The following GALNTL5 variants were observed in gnomAD, a reference collection of about 807,000 sequenced individuals.
The protein encoded by GALNTL5 is polypeptide N-acetylgalactosaminyltransferase like 5.
GALNTL5 carries 44 observed loss-of-function variants against 51.0 expected under a neutral mutation model. That is an observed-to-expected ratio of 0.86 (90% CI 0.68 to 1.11). GALNTL5 has a LOEUF of 1.11. GALNTL5 is among the 50% of genes least tolerant of loss of function. The pLI, the probability that GALNTL5 is intolerant of heterozygous loss-of-function variation, is 0.00. For synonymous variants in GALNTL5, 192 were observed against 182.8 expected (o/e 1.05, Z -0.41); for missense variants, 528 against 531.8 (o/e 0.99, Z 0.07).
chr7:151,992,902 G>T (rs977678496), intron 5 of GALNTL5, among the ~76,000 whole-genome samples: 5 of 151,942 alleles, frequency 3.3e-5, no homozygotes, highest in African/African-American at 1.2e-4. Flanking sequence ...CGTGCTCTCC[G>T]CCCCTTCTCA....
intron 5 of GALNTL5, among the ~76,000 whole-genome samples, chr7:151,990,565 A>T (rs2081414998): frequency 9.9e-6 from 1 of 100,956 alleles, no homozygotes; most frequent in Non-Finnish European, 2.2e-5. Flanking sequence ...TGGGCGACAG[A>T]GCGAGACTCC....
chr7:152,005,538 A>T (rs1348901829), intron 6 of GALNTL5, among the ~76,000 whole-genome samples: 5 of 152,128 alleles, frequency 3.3e-5, no homozygotes, highest in African/African-American at 1.2e-4. Flanking sequence ...TGAGATGTCT[A>T]TTTGGCATTC....
chr7:151,981,090 T>C (rs1328717300), intron 3 of GALNTL5, among the ~76,000 whole-genome samples: 2 of 152,118 alleles, frequency 1.3e-5, no homozygotes, highest in Non-Finnish European at 2.9e-5. Context: ...CCCAGTTGAT[T>C]AACCCAGGGA....
chr7:152,018,397 A>G (rs1021239253), intron 8 of GALNTL5, among the ~76,000 whole-genome samples: 2 of 152,146 alleles, frequency 1.3e-5, no homozygotes, highest in African/African-American at 4.8e-5. Flanking sequence ...GTTAAAAAAC[A>G]TCTCATTGTT....
chr7:151,968,101 G>A (rs2081083008), intron 2 of GALNTL5, among the ~76,000 whole-genome samples: 1 of 152,012 alleles, frequency 6.6e-6, no homozygotes, highest in African/African-American at 2.4e-5. Flanking sequence ...TTCAAGACCT[G>A]CCTGGGGAAC....
intron 8 of GALNTL5, among the ~76,000 whole-genome samples, chr7:152,017,632 C>CGAAGGAAAAGGGCAATGATCAG: frequency 6.6e-6 from 1 of 152,118 alleles, no homozygotes; most frequent in Admixed American, 6.5e-5. Flanking sequence ...GAATGTAAAA[C>CGAAGGAAAAGGGCAATGATCAG]GAAGGAAAAG....
At chr7:151,990,992 CAT>C (rs1563015609) in intron 5 of GALNTL5, among the ~76,000 whole-genome samples, 1 of 152,148 alleles carries the variant, frequency 6.6e-6, no homozygotes, top group Non-Finnish European at 1.5e-5. Context: ...AAAAAACAAA[CAT>C]ATCAATATTT....
chr7:151,999,342 A>T (rs1310534885), intron 5 of GALNTL5, among the ~76,000 whole-genome samples: 1 of 152,088 alleles, frequency 6.6e-6, no homozygotes, highest in African/African-American at 2.4e-5. Flanking sequence ...GCACATATAT[A>T]CATTTGTTTG....
chr7:151,986,299 AG>A (rs1218302845), intron 4 of GALNTL5, among the ~76,000 whole-genome samples: 1 of 152,190 alleles, frequency 6.6e-6, no homozygotes, highest in Non-Finnish European at 1.5e-5. Flanking sequence ...AAATGTTAAT[AG>A]TGATTTACTA....
At chr7:151,986,113 C>G (rs2081356727) in intron 4 of GALNTL5, 1 of 152,186 alleles carries the variant, frequency 6.6e-6, no homozygotes, top group African/African-American at 2.4e-5. Context: ...TGATATATTT[C>G]TTCTTCCTCA....
chr7:152,016,512 T>C (rs10249120), intron 8 of GALNTL5, among the ~76,000 whole-genome samples: 8,586 of 152,070 alleles, frequency 0.056, 728 homozygotes, highest in African/African-American at 0.19. Flanking sequence ...CATCTGAAAA[T>C]GGCGTGGCAG....
intron 1 of GALNTL5, among the ~76,000 whole-genome samples, chr7:151,957,168 AG>A (rs2080936232): frequency 6.6e-6 from 1 of 151,494 alleles, no homozygotes; most frequent in Admixed American, 6.6e-5. Flanking sequence ...AAGGAAAAAA[AG>A]TGTTGATTAT....
Position 151,995,626 on chromosome 7 carries a change from A to G in GALNTL5, c.659-7088A>G, listed in dbSNP as rs1226495493. 3.3e-5 allele frequency among the ~76,000 whole-genome samples: 5 copies of G among 151,830 alleles called. 1 individual carries two copies. The highest frequency in any genetic ancestry group is 6.6e-5 in the Admixed American group (1 of 15,234). On this transcript the variant is annotated intron_variant, in intron 5 of 8. Transcript: ENST00000392800. ...CCAAATATGGGAATGATGCTATCGAACTAACATGGCTGTTACAATGATCAG... is the reference window on the plus strand; with the variant it reads ...CCAAATATGGGAATGATGCTATCGAGCTAACATGGCTGTTACAATGATCAG...
chr7:151,985,800 C>T (rs144409181), intron 4 of GALNTL5: 86 of 152,978 alleles, frequency 5.6e-4, no homozygotes, highest in African/African-American at 2.0e-3. Context: ...CTGCCTCCTA[C>T]ATCCTGGATG....
intron 1 of GALNTL5, among the ~76,000 whole-genome samples, chr7:151,965,425 C>T (rs1481110020): frequency 2.0e-5 from 3 of 152,086 alleles, no homozygotes; most frequent in East Asian, 3.9e-4. Flanking sequence ...AAGGAAACCT[C>T]GCAAGACTTT....
chr7:151,979,813 C>T (rs1442570499), intron 3 of GALNTL5, among the ~76,000 whole-genome samples: 2 of 152,012 alleles, frequency 1.3e-5, no homozygotes, highest in African/African-American at 4.8e-5. Flanking sequence ...TTTGAGAAAC[C>T]CACACACACC....
chr7:151,987,322 C>T, intron 5 of GALNTL5, 41 bp downstream of exon 5: 1 of 1,523,602 alleles, frequency 6.6e-7, no homozygotes. Flanking sequence ...GACGGCGTCA[C>T]AGAGATCTTC....
At chr7:151,999,130 T>C (rs1266345671) in intron 5 of GALNTL5, among the ~76,000 whole-genome samples, 1 of 152,232 alleles carries the variant, frequency 6.6e-6, no homozygotes, top group Admixed American at 6.5e-5. Context: ...TCATACAATA[T>C]GTAACTTTTT....
At chr7:152,017,456 A>G (rs1195311349) in intron 8 of GALNTL5, among the ~76,000 whole-genome samples, 1 of 152,228 alleles carries the variant, frequency 6.6e-6, no homozygotes, top group African/African-American at 2.4e-5. Flanking sequence ...GCATAGGTAA[A>G]TTTCAGAGAT....
Sources: allele counts gnomAD v4.1 joint callset (sites outside exome capture counted in the v4.1 genomes callset), GRCh38; gene constraint gnomAD v4.1.1; transcripts MANE v1.5; gene names NCBI Gene and HGNC (gene_info 2026-07-23, HGNC 2026-07-21).